The following RBPJL variants were observed in gnomAD, a reference collection of about 807,000 sequenced individuals.
RBPJL encodes recombining binding protein suppressor of hairless-like protein.
In RBPJL, 50 loss-of-function variants were observed where a neutral mutation model predicts 57.6. The observed-to-expected ratio is 0.87, with a 90% CI of 0.69 to 1.10. The LOEUF (loss-of-function observed/expected upper bound fraction) is 1.10. Ranked by LOEUF, RBPJL falls within the 50% of genes least tolerant of loss-of-function variation. The pLI is 0.00. For missense variants in RBPJL, 684 were observed against 693.7 expected (o/e 0.99, Z 0.16); for synonymous variants, 303 against 294.4 (o/e 1.03, Z -0.30).
chr20:45,311,708 C>T (rs367831558), intron 4 of RBPJL, 49 bp downstream of exon 4: 169 of 1,599,900 alleles, frequency 1.1e-4, no homozygotes, highest in Middle Eastern at 1.8e-4. Flanking sequence ...TAGGGAGGAC[C>T]ACGAGATTGG....
At chr20:45,308,484 GAATTCAGCTACA>G in intron 2 of RBPJL, 1 of 554,988 alleles carries the variant, frequency 1.8e-6, no homozygotes, top group Non-Finnish European at 3.2e-6. Flanking sequence ...GGCCAGGCTG[GAATTCAGCTACA>G]GCGGGAGACT....
In RBPJL at chr20:45,306,866, A is replaced by G; in HGVS notation, c.-57A>G. 1 of 1,216,456 alleles carries G rather than the reference A, an allele frequency of 8.2e-7. No homozygotes were observed. The allele number at this position is 1,216,456 out of a possible 1,614,324, so 75.4% of individuals were successfully genotyped here. On this transcript the variant is annotated 5_prime_UTR_variant, in exon 1 of 12. Transcript: ENST00000343694. Reference sequence around the variant, plus strand: ...GGGTGTGCAGGGTTCCAGCGACAGCAGCACTGGACTCGTCCAGAGGGCGGC... The same window carrying G: ...GGGTGTGCAGGGTTCCAGCGACAGCGGCACTGGACTCGTCCAGAGGGCGGC...
chr20:45,306,998 ACCACCCCC>A, intron 1 of RBPJL, 54 bp downstream of exon 1: 16 of 884,818 alleles, frequency 1.8e-5, no homozygotes, highest in Non-Finnish European at 2.3e-5. Context: ...ACTACGAAGG[ACCACCCCC>A]CCACCCCCTC....
chr20:45,314,300 G>C, intron 8 of RBPJL, 113 bp from the exon 9 acceptor site: 1 of 1,332,384 alleles, frequency 7.5e-7, no homozygotes, highest in Non-Finnish European at 1.1e-6. Context: ...AAGGGCAGGG[G>C]GAATCTGCTA....
At chr20:45,311,709 A>C in intron 4 of RBPJL, 50 bp downstream of exon 4, 1 of 1,599,764 alleles carries the variant, frequency 6.3e-7, no homozygotes, top group Non-Finnish European at 8.6e-7. Context: ...AGGGAGGACC[A>C]CGAGATTGGG....
intron 8 of RBPJL, 61 bp from the exon 9 acceptor site, chr20:45,314,352 G>A: frequency 6.4e-7 from 1 of 1,572,400 alleles, no homozygotes. Context: ...CCGGCTAGGA[G>A]GGCAGCCTCT....
chr20:45,313,328 C>G, intron 6 of RBPJL, 140 bp from the exon 7 acceptor site: 1 of 607,312 alleles, frequency 1.6e-6, no homozygotes, highest in East Asian at 3.0e-5. Flanking sequence ...CACCCTCACT[C>G]TAACCCTCAC....
intron 3 of RBPJL, 125 bp downstream of exon 3, chr20:45,309,817 C>A: frequency 8.0e-7 from 1 of 1,248,968 alleles, no homozygotes; most frequent in Non-Finnish European, 1.1e-6. Flanking sequence ...AGCTATTGGT[C>A]GACCAGGGCC....
At chr20:45,312,180 A>T in intron 5 of RBPJL, 41 bp from the exon 6 acceptor site, 1 of 1,613,006 alleles carries the variant, frequency 6.2e-7, no homozygotes, top group Non-Finnish European at 8.5e-7. Context: ...CCGACGGGGG[A>T]GGGCTGGGAT....
At position 45,317,005 on chromosome 20, in the gene RBPJL, C is replaced by G. The variant is rs746111042; in HGVS notation, c.*46C>G. ...TGCCCACCCTGGAGGGCTGCGCCCG[C>G]GCCAGGCGCGGGGACGTGTTTCTGG... On this transcript the variant is annotated 3_prime_UTR_variant, in exon 12 of 12. Transcript: ENST00000343694. 108 of 1,570,652 alleles carry G rather than the reference C, an allele frequency of 6.9e-5. No homozygotes were observed. Among genetic ancestry groups the G allele is most frequent in the Non-Finnish European group, 9.1e-5 (105 of 1,157,980 alleles).
chr20:45,308,668 G>A (rs1986966204), intron 2 of RBPJL: 1 of 159,688 alleles, frequency 6.3e-6, no homozygotes, highest in Admixed American at 6.6e-5. Flanking sequence ...CTCCAGGAGT[G>A]AGGAGAGACT....
rs146643791 is a variant in RBPJL, at chr20:45,313,513, G to C, written c.665G>C (p.Arg222Pro). 8.1e-6 allele frequency: 13 copies of C among 1,613,736 alleles called. No homozygotes were observed. The highest frequency in any genetic ancestry group is 1.1e-5 in the Non-Finnish European group (13 of 1,179,950). ...AAGGTCTCCCTCTTCAACCGCCTGC[G>C]CTCTCAGACGGTCTCCACACGCTAC... The part of the protein sequence containing the change: ...GSKVSLFNRL[R>P]SQTVSTRYLS... Residue 222 changes from arginine (R) to proline (P), a missense_variant, in exon 7 of 12, where the codon CGC (arginine) becomes CCC (proline). By Grantham distance (103) the Arg-to-Pro change is moderately radical. Coordinates refer to ENST00000343694, the MANE Select transcript of RBPJL (RefSeq NM_014276.4).
chr20:45,316,958 A>T lies in RBPJL; in HGVS notation c.1553A>T (p.Ter518LeuextTer26), dbSNP rs762269883. The T allele has an allele frequency of 6.2e-7, 1 of 1,608,302 alleles. No individual in the cohort carries two copies. The highest frequency in any genetic ancestry group is 8.5e-7 in the Non-Finnish European group (1 of 1,175,830). Residue 518 changes from the stop codon to leucine (L), a stop_lost, in exon 12 of 12, where the codon TAG becomes TTG. Coordinates refer to ENST00000343694, the MANE Select transcript of RBPJL (RefSeq NM_014276.4). ...RTNFHLFIQT[*>L] is the part of the protein sequence containing the mutation. ...AACTTCCACCTCTTCATCCAGACTT[A>T]GGCGCGCCCGGTAGCCCCGGCTGCC...
intron 5 of RBPJL, 63 bp from the exon 6 acceptor site, chr20:45,312,158 A>G: frequency 6.2e-7 from 1 of 1,606,826 alleles, no homozygotes; most frequent in Middle Eastern, 1.7e-4. Flanking sequence ...TATCTGGGAG[A>G]GGTTGGTTCA....
Position 45,311,126 on chromosome 20 carries a change from A to G in RBPJL, c.258-463A>G, listed in dbSNP as rs1316698743. On this transcript the variant is annotated intron_variant, in intron 3 of 11. Transcript: ENST00000343694. ...AGCAAGACCCTGCCTCAAAAAAAAA[A>G]AAAAAGAAAAAGAAAAAGAAAGAAA... is the stretch of plus-strand genomic sequence containing the variant. Among the ~76,000 whole-genome samples, 9 of 151,526 alleles carry G rather than the reference A, an allele frequency of 5.9e-5. No homozygotes were observed. The East Asian group carries it at 1.4e-3, about 23-fold the overall frequency.
At chr20:45,312,035 C>G in intron 5 of RBPJL, 81 bp downstream of exon 5, 2 of 1,448,388 alleles carry the variant, frequency 1.4e-6, no homozygotes, top group Admixed American at 3.6e-5. Flanking sequence ...TACTCCCCTC[C>G]GAAAGCCAAG....
At chr20:45,316,105 G>A in intron 9 of RBPJL, 82 bp from the exon 10 acceptor site, 1 of 1,423,454 alleles carries the variant, frequency 7.0e-7, no homozygotes, top group Non-Finnish European at 9.7e-7. Flanking sequence ...GTCTAACGCA[G>A]AAGCCCACGC....
chr20:45,313,317 T>G, intron 6 of RBPJL, 151 bp from the exon 7 acceptor site: 1 of 540,150 alleles, frequency 1.9e-6, no homozygotes, highest in Non-Finnish European at 3.2e-6. Flanking sequence ...ATCCTTACCC[T>G]CACCCTCACT....
chr20:45,309,608 G>T lies in RBPJL; in HGVS notation c.173G>T (p.Arg58Leu). ...ACCACCATTCTGAGGGGAGGCGTGC[G>T]CAGGTGCCTGCAGCAACAGTGTGAA... Reference protein sequence around the residue: ...EHTTILRGGVRRCLQQQCEQT... With the variant: ...EHTTILRGGVLRCLQQQCEQT... Residue 58 changes from arginine to leucine, a missense_variant, in exon 3 of 12, where the codon CGC (arginine) becomes CTC (leucine). Coordinates refer to ENST00000343694, the MANE Select transcript of RBPJL (RefSeq NM_014276.4). The T allele has an allele frequency of 6.2e-7, 1 of 1,613,264 alleles. No individual in the cohort carries two copies.
Sources: allele counts gnomAD v4.1 joint callset (sites outside exome capture counted in the v4.1 genomes callset), GRCh38; gene constraint gnomAD v4.1.1; transcripts MANE v1.5; gene names NCBI Gene and HGNC (gene_info 2026-07-23, HGNC 2026-07-21).